PDE10A: variants seen among roughly 807,000 people sequenced by gnomAD.
The protein encoded by PDE10A is cAMP and cAMP-inhibited cGMP 3',5'-cyclic phosphodiesterase 10A.
Under a neutral mutation model 97.7 loss-of-function variants are expected in PDE10A, and 39 were observed. The observed-to-expected ratio is 0.40, with a 90% CI of 0.31 to 0.52. The LOEUF (loss-of-function observed/expected upper bound fraction) is 0.52, where lower values mean the gene tolerates loss of function less well. Among genes scored for constraint, PDE10A ranks in the 20% least tolerant of loss-of-function variants. The probability of loss-of-function intolerance (pLI) is 0.56; values close to 1 mark genes in which losing one functional copy is unlikely to be tolerated. For synonymous variants in PDE10A, 371 were observed against 376.8 expected (o/e 0.98, Z 0.18); for missense variants, 731 against 1,047.8 (o/e 0.70, Z 4.17).
chr6:165,921,332 T>C (rs1782746865), intron 1 of PDE10A, among the ~76,000 whole-genome samples: 1 of 152,236 alleles, frequency 6.6e-6, no homozygotes, highest in Admixed American at 6.5e-5. Flanking sequence ...GGTGGTGGTT[T>C]ATTTATTCAG....
chr6:165,793,467 T>C (rs1301011975), intron 1 of PDE10A, among the ~76,000 whole-genome samples: 3 of 152,144 alleles, frequency 2.0e-5, no homozygotes, highest in Non-Finnish European at 4.4e-5. Flanking sequence ...CTCTCCCTGC[T>C]GCCTGAGACC....
At chr6:165,658,157 G>A (rs1457898797) in intron 1 of PDE10A, among the ~76,000 whole-genome samples, 1 of 152,070 alleles carries the variant, frequency 6.6e-6, no homozygotes, top group African/African-American at 2.4e-5. Flanking sequence ...TAGTTTGTAC[G>A]TGTTAAACAC....
intron 13 of PDE10A, among the ~76,000 whole-genome samples, chr6:165,402,535 A>G (rs1786750427): frequency 6.6e-6 from 1 of 152,144 alleles, no homozygotes. Context: ...TTTTGTATAA[A>G]TTATTTGCCT....
chr6:165,845,129 T>C (rs74874127), intron 1 of PDE10A, among the ~76,000 whole-genome samples: 3,324 of 152,330 alleles, frequency 0.022, 56 homozygotes, highest in South Asian at 0.083. Context: ...GAGCTGATGG[T>C]CATTGCATTA....
chr6:165,987,725 A>C, exon 1 of PDE10A: 1 of 456,760 alleles, frequency 2.2e-6, no homozygotes, highest in Non-Finnish European at 4.4e-6. Flanking sequence ...CCTGTCCACC[A>C]CGCTCGCGCG....
chr6:165,825,884 GAGGA>G, intron 1 of PDE10A, among the ~76,000 whole-genome samples: 1 of 152,256 alleles, frequency 6.6e-6, no homozygotes, highest in African/African-American at 2.4e-5. Flanking sequence ...ATTTTCTTAT[GAGGA>G]CCTTCCATAC....
chr6:165,971,448 T>A (rs1219738410), intron 1 of PDE10A, among the ~76,000 whole-genome samples: 1 of 152,154 alleles, frequency 6.6e-6, no homozygotes, highest in African/African-American at 2.4e-5. Flanking sequence ...GACTGAAAAT[T>A]CCTTCAGGGC....
chr6:165,610,613 T>C (rs1316563493), intron 1 of PDE10A, among the ~76,000 whole-genome samples: 5 of 151,992 alleles, frequency 3.3e-5, no homozygotes, highest in Non-Finnish European at 7.4e-5. Flanking sequence ...CTAGAAAATA[T>C]TGCTTTTGCT....
At chr6:165,350,162 C>T (rs1220165121) in intron 18 of PDE10A, among the ~76,000 whole-genome samples, 5 of 152,194 alleles carry the variant, frequency 3.3e-5, no homozygotes, top group Non-Finnish European at 7.3e-5. Flanking sequence ...GCTGCAGACA[C>T]TCAATGCCAG....
intron 1 of PDE10A, among the ~76,000 whole-genome samples, chr6:165,892,401 C>A (rs1274350927): frequency 6.6e-6 from 1 of 152,226 alleles, no homozygotes; most frequent in Admixed American, 6.5e-5. Flanking sequence ...CACATCAGAC[C>A]ACAGCAGGGC....
At chr6:165,919,887 C>T (rs528366068) in intron 1 of PDE10A, among the ~76,000 whole-genome samples, 13 of 152,168 alleles carry the variant, frequency 8.5e-5, no homozygotes, top group Non-Finnish European at 1.9e-4. Context: ...TGATAATTTT[C>T]AGGTGCATTC....
intron 2 of PDE10A, among the ~76,000 whole-genome samples, chr6:165,525,130 C>A (rs899505536): frequency 6.6e-6 from 1 of 152,108 alleles, no homozygotes; most frequent in African/African-American, 2.4e-5. Flanking sequence ...GAAGTCCCGG[C>A]GAGCCCCTAG....
rs1465265521 is a variant in PDE10A at position 165,418,605 on chromosome 6, G to C, written c.1796+30C>G. On this transcript the variant is annotated intron_variant, in intron 11 of 21. Coordinates refer to ENST00000539869, the MANE Select transcript of PDE10A (RefSeq NM_001385079.1). The surrounding 1 kb of genome is among the most constrained non-coding windows in gnomAD (Gnocchi z 4.8). ...CGGAACGCCTGCACATCTACCGTAAGAGGATAGGACATTCTACTTCTAGCT... is the reference window on the plus strand; with the variant it reads ...CGGAACGCCTGCACATCTACCGTAACAGGATAGGACATTCTACTTCTAGCT... 2 of 1,603,554 alleles carry C rather than the reference G, an allele frequency of 1.2e-6. No homozygotes were observed. The highest frequency in any genetic ancestry group is 2.2e-5 in the South Asian group (2 of 90,698).
At chr6:165,870,415 A>T (rs188422249) in intron 1 of PDE10A, among the ~76,000 whole-genome samples, 1 of 152,300 alleles carries the variant, frequency 6.6e-6, no homozygotes, top group African/African-American at 2.4e-5. Flanking sequence ...GTCTCACTCC[A>T]TCCAGTTAGA....
intron 1 of PDE10A, among the ~76,000 whole-genome samples, chr6:165,698,592 G>A (rs1052445048): frequency 6.6e-6 from 1 of 152,224 alleles, no homozygotes; most frequent in African/African-American, 2.4e-5. Flanking sequence ...GATCATGCCT[G>A]TAATCCCAGG....
intron 1 of PDE10A, among the ~76,000 whole-genome samples, chr6:165,643,428 G>A (rs575338040): frequency 6.6e-6 from 1 of 152,266 alleles, no homozygotes; most frequent in African/African-American, 2.4e-5. Flanking sequence ...CTCTGCCCTA[G>A]GAACAGAGCC....
chr6:165,355,885 C>T (rs538339230), intron 18 of PDE10A, among the ~76,000 whole-genome samples: 1 of 152,216 alleles, frequency 6.6e-6, no homozygotes, highest in Admixed American at 6.5e-5. Context: ...CTGTATTAGT[C>T]CATTTTCACA....
intron 1 of PDE10A, among the ~76,000 whole-genome samples, chr6:165,806,928 GT>G (rs1388738482): frequency 2.6e-5 from 4 of 152,202 alleles, no homozygotes; most frequent in Admixed American, 6.5e-5. Flanking sequence ...ACCATGTTAT[GT>G]TTTTTCACTC....
chr6:165,425,338 C>T (rs1789037635), intron 10 of PDE10A, among the ~76,000 whole-genome samples: 1 of 152,108 alleles, frequency 6.6e-6, no homozygotes, highest in African/African-American at 2.4e-5. Context: ...ATAAATTACA[C>T]ACCATAATGA....
Sources: allele counts gnomAD v4.1 joint callset (sites outside exome capture counted in the v4.1 genomes callset), GRCh38; gene constraint gnomAD v4.1.1; non-coding constraint Gnocchi (gnomAD v3.1); transcripts MANE v1.5; gene names NCBI Gene and HGNC (gene_info 2026-07-23, HGNC 2026-07-21).